RFX7: variants seen among roughly 807,000 people sequenced by gnomAD.
RFX7 encodes DNA-binding protein RFX7.
In RFX7, 26 loss-of-function variants were observed where a neutral mutation model predicts 111.8. That is an observed-to-expected ratio of 0.23 (90% CI 0.17 to 0.32). The LOEUF (loss-of-function observed/expected upper bound fraction) is 0.32, where lower values mean the gene tolerates loss of function less well. Ranked by LOEUF, RFX7 falls within the 10% of genes least tolerant of loss-of-function variation. The pLI is 1.00. For synonymous variants in RFX7, 624 were observed against 624.4 expected (o/e 1.00, Z 0.01); for missense variants, 1,573 against 1,772.9 (o/e 0.89, Z 2.02).
intron 3 of RFX7, among the ~76,000 whole-genome samples, chr15:56,149,062 G>A (rs910542667): frequency 2.2e-4 from 31 of 140,218 alleles, no homozygotes; most frequent in Non-Finnish European, 3.2e-4. Flanking sequence ...CAGCCTCAGC[G>A]ACAGAGCGAG....
At chr15:56,123,235 G>T (rs1366971535) in intron 5 of RFX7, among the ~76,000 whole-genome samples, 2 of 152,080 alleles carry the variant, frequency 1.3e-5, no homozygotes, top group African/African-American at 4.8e-5. Context: ...GGTTACCACT[G>T]CTAATGGTAT....
intron 2 of RFX7, among the ~76,000 whole-genome samples, chr15:56,180,690 T>C (rs2141135443): frequency 6.8e-6 from 1 of 147,586 alleles, no homozygotes; most frequent in East Asian, 2.0e-4. Flanking sequence ...TGGATTGCCT[T>C]GGCTCAGGAG....
intron 5 of RFX7, among the ~76,000 whole-genome samples, chr15:56,120,290 T>G (rs916124171): frequency 6.6e-6 from 1 of 152,228 alleles, no homozygotes; most frequent in African/African-American, 2.4e-5. Flanking sequence ...TTGATTTCTT[T>G]TTCAGATTGT....
At position 56,137,516 on chromosome 15, in the gene RFX7, T is replaced by C. The variant is rs144924048; in HGVS notation, c.401+5262A>G. 1.1e-3 allele frequency among the ~76,000 whole-genome samples: 163 copies of C among 152,324 alleles called. 1 individual carries two copies. Among genetic ancestry groups the C allele is most frequent in the African/African-American group, 3.8e-3 (156 of 41,566 alleles). Reference sequence around the variant, plus strand: ...TCGATTCTTCTCTCTTTTTTTCTTATTAGTCTTGCTAGCGGTCTATCAATC... The same window carrying C: ...TCGATTCTTCTCTCTTTTTTTCTTACTAGTCTTGCTAGCGGTCTATCAATC... On this transcript the variant is annotated intron_variant, in intron 5 of 9. Transcript: ENST00000559447.
chr15:56,243,145 G>C lies in RFX7; in HGVS notation c.141C>G (p.His47Gln). Residue 47 changes from histidine to glutamine, a missense_variant, in exon 2 of 10, where the codon CAC (histidine) becomes CAG (glutamine). His to Gln is a conservative substitution (Grantham distance 24, BLOSUM62 0). Coordinates refer to ENST00000559447, the MANE Select transcript of RFX7 (RefSeq NM_022841.7). ...CTTACCAGATGGAGTTCTTGATCTT[G>C]TGTTGCAGCGCGCTGGCCTCTGTCC... Reference protein sequence around the residue: ...LPGTEASALQHKIKNSICKTV... With the variant: ...LPGTEASALQQKIKNSICKTV... The C allele has an allele frequency of 7.3e-7, 1 of 1,361,782 alleles. No homozygotes were observed. Among genetic ancestry groups the C allele is most frequent in the Non-Finnish European group, 9.8e-7 (1 of 1,019,794 alleles). The allele number at this position is 1,361,782 out of a possible 1,614,324, so 84.4% of individuals were successfully genotyped here. A position where few individuals can be genotyped will look rare whatever the true frequency, so the allele number is the denominator to read the frequency against.
At chr15:56,173,634 T>C (rs1432324498) in intron 3 of RFX7, among the ~76,000 whole-genome samples, 1 of 151,052 alleles carries the variant, frequency 6.6e-6, no homozygotes, top group Non-Finnish European at 1.5e-5. Flanking sequence ...TACAAAAAAT[T>C]AGCTGGGTGT....
intron 5 of RFX7, among the ~76,000 whole-genome samples, chr15:56,127,600 T>G (rs1251140762): frequency 1.3e-5 from 2 of 149,446 alleles, no homozygotes; most frequent in African/African-American, 4.9e-5. Context: ...CAGGCTGGAG[T>G]GCAGTGGCGC....
intron 2 of RFX7, among the ~76,000 whole-genome samples, chr15:56,200,706 G>A (rs1183884758): frequency 6.6e-6 from 1 of 152,114 alleles, no homozygotes; most frequent in African/African-American, 2.4e-5. Context: ...GGCTGAGGCA[G>A]GAGAAATGCT....
rs191404676 is a variant in RFX7 at position 56,087,561 on chromosome 15, G to T, written c.*5784C>A. 6.6e-6 allele frequency: 3 copies of T among 456,554 alleles called. No individual in the cohort carries two copies. 28.3% of individuals were successfully genotyped at this position (456,554 alleles called of 1,614,324 possible). ...TTGGTTACATCTCTTTGAGTACTTG[G>T]TAAGTGTCTCCACTTAACTGCAAGG... On this transcript the variant is annotated 3_prime_UTR_variant, in exon 10 of 10. Transcript: ENST00000559447.
intron 5 of RFX7, among the ~76,000 whole-genome samples, chr15:56,132,931 A>C (rs1249078975): frequency 6.6e-6 from 1 of 152,122 alleles, no homozygotes; most frequent in Admixed American, 6.5e-5. Flanking sequence ...CTCTCACCCA[A>C]GAACTGCATA....
intron 5 of RFX7, among the ~76,000 whole-genome samples, chr15:56,133,677 A>C (rs1567020871): frequency 6.6e-6 from 1 of 152,062 alleles, no homozygotes; most frequent in Non-Finnish European, 1.5e-5. Context: ...GCTATATTCT[A>C]TTTAGTTTTC....
At chr15:56,167,555 A>G (rs2042797756) in intron 3 of RFX7, among the ~76,000 whole-genome samples, 1 of 152,226 alleles carries the variant, frequency 6.6e-6, no homozygotes, top group Non-Finnish European at 1.5e-5. Flanking sequence ...GACATTATAC[A>G]TCTAAAAATG....
chr15:56,098,226 T>C lies in RFX7; in HGVS notation c.962A>G (p.Gln321Arg), dbSNP rs2041707991. 2.5e-6 allele frequency: 4 copies of C among 1,614,006 alleles called. No individual in the cohort carries two copies. The highest frequency in any genetic ancestry group is 3.4e-6 in the Non-Finnish European group (4 of 1,179,860). ...TGCAGATTCTCCTGGCAAAGGGGATTGTAGTTTCTGTTCTTGCTGCTTCTT... is the reference window on the plus strand; with the variant it reads ...TGCAGATTCTCCTGGCAAAGGGGATCGTAGTTTCTGTTCTTGCTGCTTCTT... Reference protein sequence around the residue: ...IQKKQQEQKLQSPLPGESAAK... With the variant: ...IQKKQQEQKLRSPLPGESAAK... Residue 321 changes from glutamine (Q) to arginine (R), a missense_variant, in exon 9 of 10, where the codon CAA becomes CGA. Coordinates refer to ENST00000559447, the MANE Select transcript of RFX7 (RefSeq NM_022841.7).
At chr15:56,135,220 C>T (rs1342709642) in intron 5 of RFX7, among the ~76,000 whole-genome samples, 1 of 151,754 alleles carries the variant, frequency 6.6e-6, no homozygotes, top group Admixed American at 6.6e-5. Flanking sequence ...AACTAGTTTA[C>T]AGTCCCACCA....
chr15:56,119,951 T>C (rs2042055865), intron 5 of RFX7, among the ~76,000 whole-genome samples: 1 of 152,074 alleles, frequency 6.6e-6, no homozygotes, highest in Admixed American at 6.6e-5. Flanking sequence ...ATTAGTCCAG[T>C]TTTGTTCTTT....
At chr15:56,184,820 T>C (rs532564149) in intron 2 of RFX7, among the ~76,000 whole-genome samples, 1 of 152,312 alleles carries the variant, frequency 6.6e-6, no homozygotes, top group East Asian at 1.9e-4. Flanking sequence ...CACTGGCATT[T>C]ATCTGTTTGT....
Position 56,103,667 on chromosome 15 carries a change from G to C in RFX7, c.405C>G (p.Ser135Arg), listed in dbSNP as rs1479221298. The C allele has an allele frequency of 6.3e-7, 1 of 1,578,530 alleles. No homozygotes were observed. The highest frequency in any genetic ancestry group is 8.6e-7 in the Non-Finnish European group (1 of 1,158,530). Reference sequence around the variant, plus strand: ...GATGGTAACCAAGATTGTCACAATAGCTCCTGCAAAAGAAGGAAGGACCAA... The same window carrying C: ...GATGGTAACCAAGATTGTCACAATACCTCCTGCAAAAGAAGGAAGGACCAA... The part of the protein sequence containing the change: ...PKQEVYDEYK[S>R]YCDNLGYHPL... Residue 135 changes from serine to arginine, a missense_variant, in exon 6 of 10, where the codon AGC (serine) becomes AGG (arginine). Around this residue, in one of 7 missense-constraint regions of RFX7, gnomAD observed 191 missense variants for 194.2 expected, o/e 0.98. Transcript: ENST00000559447.
chr15:56,239,086 G>A (rs938999792), intron 2 of RFX7, among the ~76,000 whole-genome samples: 2 of 151,944 alleles, frequency 1.3e-5, no homozygotes, highest in African/African-American at 2.4e-5. Context: ...TGCCCACCTT[G>A]ACCTCCCAAA....
chr15:56,150,445 G>A (rs748440987), intron 3 of RFX7, among the ~76,000 whole-genome samples: 14 of 152,268 alleles, frequency 9.2e-5, no homozygotes, highest in Non-Finnish European at 1.3e-4. Flanking sequence ...CCGCTGGGTC[G>A]CAGCTTCCAG....
Sources: allele counts gnomAD v4.1 joint callset (sites outside exome capture counted in the v4.1 genomes callset), GRCh38; gene constraint gnomAD v4.1.1; regional missense constraint gnomAD v4.1.1; transcripts MANE v1.5; gene names NCBI Gene and HGNC (gene_info 2026-07-23, HGNC 2026-07-21).